ADGB: variants seen among roughly 807,000 people sequenced by gnomAD.
The protein encoded by ADGB is androglobin.
A neutral mutation model predicts 210.5 loss-of-function variants in ADGB; 172 were observed. That is an observed-to-expected ratio of 0.82 (90% CI 0.72 to 0.93). ADGB has a LOEUF of 0.93. ADGB is among the 40% of genes least tolerant of loss of function. ADGB has a pLI of 0.00. For synonymous variants in ADGB, 658 were observed against 662.7 expected (o/e 0.99, Z 0.11); for missense variants, 2,025 against 1,964.8 (o/e 1.03, Z -0.58).
chr6:146,814,734 CAT>C (rs898912255), intron 35 of ADGB, among the ~76,000 whole-genome samples: 235 of 152,214 alleles, frequency 1.5e-3, no homozygotes, highest in African/African-American at 5.4e-3. Context: ...ATTAATAACT[CAT>C]AAATTGTATT....
intron 13 of ADGB, among the ~76,000 whole-genome samples, chr6:146,702,954 G>A (rs1776513594): frequency 6.6e-6 from 1 of 151,886 alleles, no homozygotes; most frequent in South Asian, 2.1e-4. Flanking sequence ...CATGGAGTGT[G>A]TAGGGATTTT....
chr6:146,769,424 A>G (rs1488846061), intron 29 of ADGB, among the ~76,000 whole-genome samples: 1 of 152,190 alleles, frequency 6.6e-6, no homozygotes, highest in Non-Finnish European at 1.5e-5. Context: ...ACATTTCAAA[A>G]ATGTATGACA....
rs1271061033 is a variant in ADGB, at chr6:146,769,011, AT to A, written c.3751-6del. ...TTATCATTTTTAAACACTGCATTTT[AT>A]TTCACAGAATTACAAGTATATTATA... is the stretch of plus-strand genomic sequence containing the variant. On this transcript the variant is annotated splice_region_variant and splice_polypyrimidine_tract_variant and intron_variant, in intron 28 of 35. Coordinates refer to ENST00000397944, the MANE Select transcript of ADGB (RefSeq NM_024694.4). The A allele has an allele frequency of 7.1e-7, 1 of 1,407,218 alleles. No homozygotes were observed. The highest frequency in any genetic ancestry group is 1.4e-5 in the African/African-American group (1 of 70,904). The allele number at this position is 1,407,218 out of a possible 1,614,324, so 87.2% of individuals were successfully genotyped here.
At chr6:146,632,109 T>C (rs763142334) in intron 1 of ADGB, among the ~76,000 whole-genome samples, 2 of 152,112 alleles carry the variant, frequency 1.3e-5, no homozygotes, top group South Asian at 2.1e-4. Flanking sequence ...CATACATTCA[T>C]TGACAAATTC....
intron 1 of ADGB, among the ~76,000 whole-genome samples, chr6:146,616,075 G>T (rs906202186): frequency 6.6e-6 from 1 of 152,022 alleles, no homozygotes; most frequent in African/African-American, 2.4e-5. Flanking sequence ...GCCAGCATTT[G>T]TTATTTTTTG....
chr6:146,744,065 C>T (rs562513334), intron 25 of ADGB, among the ~76,000 whole-genome samples: 4 of 152,140 alleles, frequency 2.6e-5, no homozygotes, highest in Non-Finnish European at 5.9e-5. Context: ...ACCTTTGTCC[C>T]TGCTAAAATG....
intron 12 of ADGB, among the ~76,000 whole-genome samples, chr6:146,697,539 C>A (rs1373715373): frequency 6.6e-6 from 1 of 151,850 alleles, no homozygotes; most frequent in Non-Finnish European, 1.5e-5. Context: ...CTTAAGAACA[C>A]ATTAGATACA....
intron 27 of ADGB, among the ~76,000 whole-genome samples, chr6:146,763,698 T>A (rs528773309): frequency 6.6e-6 from 1 of 152,204 alleles, no homozygotes; most frequent in South Asian, 2.1e-4. Flanking sequence ...TTACTCAGAA[T>A]ATACATTGCT....
chr6:146,656,300 G>A (rs997979907), intron 4 of ADGB, among the ~76,000 whole-genome samples: 6 of 152,328 alleles, frequency 3.9e-5, no homozygotes, highest in Non-Finnish European at 5.9e-5. Flanking sequence ...GTATATTTAT[G>A]TGTCTACCCC....
intron 27 of ADGB, 28 bp downstream of exon 27, chr6:146,752,742 T>G (rs1777342445): frequency 6.7e-7 from 1 of 1,486,270 alleles, no homozygotes; most frequent in Admixed American, 2.6e-5. Context: ...AACAGGATAG[T>G]TAGATTCATA....
At chr6:146,667,110 G>A (rs1775947957) in intron 7 of ADGB, among the ~76,000 whole-genome samples, 1 of 151,864 alleles carries the variant, frequency 6.6e-6, no homozygotes, top group Non-Finnish European at 1.5e-5. Flanking sequence ...GACCCCCATA[G>A]GTTCTTTGTT....
At position 146,644,781 on chromosome 6, in the gene ADGB, T is replaced by A; in HGVS notation, c.246T>A (p.Phe82Leu). 6.9e-7 allele frequency: 1 copy of A among 1,457,670 alleles called. No individual in the cohort carries two copies. Among genetic ancestry groups the A allele is most frequent in the South Asian group, 1.5e-5 (1 of 66,196 alleles). The allele number at this position is 1,457,670 out of a possible 1,614,324, so 90.3% of individuals were successfully genotyped here. The part of the protein sequence containing the change: ...KTGKSPVFHF[F>L]EDPEGKIELP... ...AATTTATTTTTATATAGCATTTTTT[T>A]GAGGACCCTGAAGGAAAGATTGAGT... The change falls in exon 3 of 36, where the codon TTT becomes TTA. Residue 82 changes from phenylalanine (F) to leucine (L), a missense_variant. Physicochemically the swap from Phe to Leu is conservative, Grantham distance 22 (BLOSUM62 0). Coordinates refer to ENST00000397944, the MANE Select transcript of ADGB (RefSeq NM_024694.4).
rs567346256 is a variant in ADGB at position 146,721,379 on chromosome 6, G to C, written c.1993-24G>C. On this transcript the variant is annotated intron_variant, in intron 16 of 35. Transcript: ENST00000397944. The stretch of plus-strand genomic sequence containing the variant: ...GCATTGATGAACTGATATTAAGTAT[G>C]ACAACTGGTCTAATTTCTTGCAGTT... 3.5e-5 allele frequency: 48 copies of C among 1,383,418 alleles called. No individual in the cohort carries two copies. In the African/African-American group the frequency reaches 6.3e-4, roughly 18 times the overall value. 85.7% of individuals were successfully genotyped at this position (1,383,418 alleles called of 1,614,324 possible).
At chr6:146,647,754 G>A (rs1245942689) in intron 3 of ADGB, among the ~76,000 whole-genome samples, 2 of 151,952 alleles carry the variant, frequency 1.3e-5, no homozygotes, top group African/African-American at 4.8e-5. Context: ...CCTTCTGAAG[G>A]GGAGAAAGAG....
At chr6:146,633,882 TG>T (rs1304950098) in intron 1 of ADGB, among the ~76,000 whole-genome samples, 1 of 128,418 alleles carries the variant, frequency 7.8e-6, no homozygotes, top group African/African-American at 2.8e-5. Context: ...AGAAAGAAAT[TG>T]TTTTTTACAA....
chr6:146,707,472 C>G (rs899921913), intron 13 of ADGB, among the ~76,000 whole-genome samples: 1 of 152,018 alleles, frequency 6.6e-6, no homozygotes, highest in African/African-American at 2.4e-5. Context: ...GTCTCTCTCC[C>G]CCTTTAGATC....
Position 146,666,807 on chromosome 6 carries a change from C to T in ADGB, c.753-9C>T. The T allele has an allele frequency of 6.5e-7, 1 of 1,538,766 alleles. No individual in the cohort carries two copies. Among genetic ancestry groups the T allele is most frequent in the South Asian group, 1.2e-5 (1 of 82,326 alleles). On this transcript the variant is annotated splice_polypyrimidine_tract_variant and intron_variant, in intron 6 of 35. Coordinates refer to ENST00000397944, the MANE Select transcript of ADGB (RefSeq NM_024694.4). The stretch of plus-strand genomic sequence containing the variant: ...TGCTACCTGTAACATTATGCATGTT[C>T]TTTTTTAGCATCCATGTAGCAGACA...
At chr6:146,701,214 T>C (rs754463578) in intron 13 of ADGB, 144 bp downstream of exon 13, 1 of 946,778 alleles carries the variant, frequency 1.1e-6, no homozygotes, top group Non-Finnish European at 1.5e-6. Context: ...AAATCTCTTA[T>C]GTATCTATCA....
chr6:146,627,782 G>A (rs1287771909), intron 1 of ADGB, among the ~76,000 whole-genome samples: 1 of 152,068 alleles, frequency 6.6e-6, no homozygotes. Flanking sequence ...GTCCTTGAAA[G>A]TATACCTTGC....
Sources: gnomAD v4.1 joint callset for allele counts (sites outside exome capture counted in the v4.1 genomes callset) on GRCh38, gnomAD v4.1.1 for gene constraint, MANE v1.5 for transcripts, NCBI Gene and HGNC (gene_info 2026-07-23, HGNC 2026-07-21) for gene names.